Variants in XPOT observed in about 807,000 individuals in gnomAD.
XPOT encodes the protein exportin for tRNA, also known as exportin-T.
In XPOT, 34 loss-of-function variants were observed where a neutral mutation model predicts 128.2. The ratio of observed to expected loss-of-function variants is 0.27; its 90% CI spans 0.20 to 0.35. The LOEUF (loss-of-function observed/expected upper bound fraction) is 0.35, where lower values mean the gene tolerates loss of function less well. XPOT is among the 10% of genes least tolerant of loss of function. The probability of loss-of-function intolerance (pLI) is 1.00; values close to 1 mark genes in which losing one functional copy is unlikely to be tolerated. For synonymous variants in XPOT, 348 were observed against 394.3 expected (o/e 0.88, Z 1.39); for missense variants, 838 against 1,125.3 (o/e 0.74, Z 3.65).
chr12:64,424,762 TC>T (rs763145385), intron 12 of XPOT, 39 bp downstream of exon 12: 38 of 1,606,400 alleles, frequency 2.4e-5, no homozygotes, highest in Non-Finnish European at 3.1e-5. Context: ...CCTACTTCTT[TC>T]TTTTGCTCTT....
In XPOT at chr12:64,414,995, T is replaced by TA. The variant is rs777618918; in HGVS notation, c.143+11dup. 4 of 1,589,110 alleles carry TA rather than the reference T, an allele frequency of 2.5e-6. No individual in the cohort carries two copies. The highest frequency in any genetic ancestry group is 1.3e-5 in the African/African-American group (1 of 74,322). On this transcript the variant is annotated splice_region_variant and intron_variant, in intron 3 of 24. Transcript: ENST00000332707. ...CTAGCCCAGAGGACATACAGGTAATTAAAAACAAAATTTGCATGACAATTT... is the reference window on the plus strand; with the variant it reads ...CTAGCCCAGAGGACATACAGGTAATTAAAAAACAAAATTTGCATGACAATTT...
chr12:64,428,895 A>G (rs2040214365), intron 16 of XPOT, among the ~76,000 whole-genome samples: 1 of 152,256 alleles, frequency 6.6e-6, no homozygotes, highest in African/African-American at 2.4e-5. Flanking sequence ...GACAAACTGT[A>G]TTCATAAATC....
intron 1 of XPOT, among the ~76,000 whole-genome samples, chr12:64,406,146 G>A (rs1382234820): frequency 3.3e-5 from 5 of 152,078 alleles, no homozygotes; most frequent in Non-Finnish European, 5.9e-5. Context: ...CACGATCTCC[G>A]CTCACTGCAA....
rs756511636 is a variant in XPOT, at chr12:64,431,829, G to A, written c.2262+6G>A. Reference sequence around the variant, plus strand: ...AGATTACGGCCAAATTCAAGGTACCGCAAACTTTCAGAGCTCTGAAAATCT... The same window carrying A: ...AGATTACGGCCAAATTCAAGGTACCACAAACTTTCAGAGCTCTGAAAATCT... On this transcript the variant is annotated splice_donor_region_variant and intron_variant, in intron 18 of 24. Transcript: ENST00000332707. 8.7e-6 allele frequency: 14 copies of A among 1,606,978 alleles called. No homozygotes were observed. The highest frequency in any genetic ancestry group is 2.2e-5 in the South Asian group (2 of 90,850).
intron 15 of XPOT, among the ~76,000 whole-genome samples, chr12:64,427,457 G>A (rs937044811): frequency 6.6e-6 from 1 of 151,884 alleles, no homozygotes; most frequent in Non-Finnish European, 1.5e-5. Flanking sequence ...CTGCTCATCA[G>A]CCAAGTACTT....
chr12:64,445,214 G>C, intron 24 of XPOT, 83 bp downstream of exon 24: 1 of 1,077,172 alleles, frequency 9.3e-7, no homozygotes, highest in South Asian at 1.4e-5. Context: ...TGCAATTATA[G>C]ATGTTTATGT....
At chr12:64,447,213 G>A (rs1213749161) in intron 24 of XPOT, among the ~76,000 whole-genome samples, 2 of 152,122 alleles carry the variant, frequency 1.3e-5, no homozygotes, top group Non-Finnish European at 2.9e-5. Context: ...GGAATTATGG[G>A]AGCTACAAGA....
chr12:64,440,490 T>C (rs554681100), intron 23 of XPOT, among the ~76,000 whole-genome samples: 1 of 152,360 alleles, frequency 6.6e-6, no homozygotes, highest in Non-Finnish European at 1.5e-5. Flanking sequence ...GTGGGATTGC[T>C]GGATTATATG....
intron 15 of XPOT, among the ~76,000 whole-genome samples, chr12:64,426,973 A>C (rs972294304): frequency 6.6e-6 from 1 of 152,104 alleles, no homozygotes; most frequent in Non-Finnish European, 1.5e-5. Flanking sequence ...ACAAGAGTGA[A>C]ACTCTGTCTC....
intron 13 of XPOT, 34 bp from the exon 14 acceptor site, chr12:64,425,304 T>G (rs1565799024): frequency 1.2e-6 from 2 of 1,610,844 alleles, no homozygotes; most frequent in African/African-American, 2.7e-5. Flanking sequence ...TTGCAATAAA[T>G]AAGAAGAGGT....
At position 64,425,027 on chromosome 12, in the gene XPOT, T is replaced by C. The variant is rs532938613; in HGVS notation, c.1308-11T>C. 1.4e-5 allele frequency: 22 copies of C among 1,612,100 alleles called. No homozygotes were observed. The highest frequency in any genetic ancestry group is 1.8e-5 in the Non-Finnish European group (21 of 1,179,932). The stretch of plus-strand genomic sequence containing the variant: ...ATCTTTAAATCTCACTGACATATTA[T>C]ACCTTGGTAGGAATTGGCAGACTAC... On this transcript the variant is annotated splice_polypyrimidine_tract_variant and intron_variant, in intron 12 of 24. Coordinates refer to ENST00000332707, the MANE Select transcript of XPOT (RefSeq NM_007235.6).
At chr12:64,427,112 C>G (rs1187099900) in intron 15 of XPOT, among the ~76,000 whole-genome samples, 1 of 150,710 alleles carries the variant, frequency 6.6e-6, no homozygotes, top group Admixed American at 6.6e-5. Flanking sequence ...AGATGTACTC[C>G]CGACCTTTTT....
chr12:64,416,846 A>G, intron 4 of XPOT, 92 bp downstream of exon 4: 1 of 1,137,492 alleles, frequency 8.8e-7, no homozygotes, highest in Non-Finnish European at 1.3e-6. Flanking sequence ...ACCATAATAC[A>G]GGTTGTAAAT....
At chr12:64,410,283 G>T (rs1198462466) in intron 2 of XPOT, among the ~76,000 whole-genome samples, 188 bp downstream of exon 2, 1 of 152,090 alleles carries the variant, frequency 6.6e-6, no homozygotes, top group African/African-American at 2.4e-5. Flanking sequence ...CTGTTTACTT[G>T]GCCAAACAAA....
At chr12:64,416,017 T>C (rs1379940133) in intron 3 of XPOT, among the ~76,000 whole-genome samples, 1 of 152,258 alleles carries the variant, frequency 6.6e-6, no homozygotes, top group Non-Finnish European at 1.5e-5. Flanking sequence ...AACTCTCTTA[T>C]ACTCACTTCA....
intron 23 of XPOT, among the ~76,000 whole-genome samples, chr12:64,440,815 GA>G (rs1300644598): frequency 6.6e-6 from 1 of 152,030 alleles, no homozygotes; most frequent in Admixed American, 6.6e-5. Context: ...TTTTGCTATT[GA>G]ATTAGAGGAG....
intron 4 of XPOT, among the ~76,000 whole-genome samples, chr12:64,417,529 C>CAA (rs55993660): frequency 0.11 from 12,006 of 107,030 alleles, 682 homozygotes; most frequent in Middle Eastern, 0.31. Context: ...GACCTTGTCT[C>CAA]AAAAAAAAAA....
At chr12:64,431,102 C>G (rs1260815476) in intron 17 of XPOT, among the ~76,000 whole-genome samples, 1 of 152,056 alleles carries the variant, frequency 6.6e-6, no homozygotes, top group Non-Finnish European at 1.5e-5. Context: ...TGCTACCACA[C>G]CCAGCTAATT....
At chr12:64,446,663 CT>C (rs2040369705) in intron 24 of XPOT, among the ~76,000 whole-genome samples, 2 of 148,170 alleles carry the variant, frequency 1.3e-5, no homozygotes, top group African/African-American at 2.5e-5. Flanking sequence ...GACTACCTTT[CT>C]GTTTTTTCTT....
Sources: allele counts gnomAD v4.1 joint callset (sites outside exome capture counted in the v4.1 genomes callset), GRCh38; gene constraint gnomAD v4.1.1; transcripts MANE v1.5; gene names NCBI Gene and HGNC (gene_info 2026-07-23, HGNC 2026-07-21).